The following ITPR2 variants were observed in gnomAD, a reference collection of about 807,000 sequenced individuals.
ITPR2 encodes inositol 1,4,5-trisphosphate receptor type 2.
ITPR2 carries 207 observed loss-of-function variants against 317.1 expected under a neutral mutation model. The observed-to-expected ratio is 0.65, with a 90% confidence interval of 0.58 to 0.73. ITPR2 has a LOEUF of 0.73. ITPR2 is among the 30% of genes least tolerant of loss of function. ITPR2 has a pLI of 0.00. For missense variants in ITPR2, 2,613 were observed against 3,284.0 expected (o/e 0.80, Z 4.99); for synonymous variants, 1,156 against 1,149.1 (o/e 1.01, Z -0.12).
chr12:26,825,725 G>A (rs1003271211), intron 1 of ITPR2, among the ~76,000 whole-genome samples: 3 of 152,144 alleles, frequency 2.0e-5, no homozygotes, highest in African/African-American at 7.2e-5. Flanking sequence ...TGACTTTTAG[G>A]TTTAAGAAAT....
At chr12:26,643,324 T>G (rs2136867607) in intron 21 of ITPR2, among the ~76,000 whole-genome samples, 1 of 152,306 alleles carries the variant, frequency 6.6e-6, no homozygotes. Context: ...TACGAAGAAG[T>G]GGGATGCTGC....
intron 36 of ITPR2, among the ~76,000 whole-genome samples, chr12:26,550,647 C>T (rs556130904): frequency 5.9e-4 from 90 of 151,870 alleles, no homozygotes; most frequent in Admixed American, 2.0e-3. Context: ...TATTCTCACC[C>T]CAATATATGA....
intron 21 of ITPR2, among the ~76,000 whole-genome samples, chr12:26,637,632 GTAT>G (rs989124421): frequency 1.9e-4 from 29 of 152,178 alleles, no homozygotes; most frequent in African/African-American, 7.0e-4. Context: ...TAATTGTAAG[GTAT>G]TATTTCAAAA....
intron 10 of ITPR2, among the ~76,000 whole-genome samples, chr12:26,692,385 A>T (rs1948257763): frequency 6.6e-6 from 1 of 152,200 alleles, no homozygotes; most frequent in Non-Finnish European, 1.5e-5. Context: ...CACAACAGAG[A>T]ATTATCTGGC....
intron 41 of ITPR2, among the ~76,000 whole-genome samples, chr12:26,485,011 G>A (rs116875518): frequency 0.07 from 10,541 of 149,518 alleles, 542 homozygotes; most frequent in Non-Finnish European, 0.098. Context: ...CACTGTGCCC[G>A]GCCGGAATAC....
intron 48 of ITPR2, among the ~76,000 whole-genome samples, chr12:26,432,801 C>A (rs1941246696): frequency 6.6e-6 from 1 of 152,138 alleles, no homozygotes; most frequent in Non-Finnish European, 1.5e-5. Context: ...CATATTTGAC[C>A]ATCTGGAGAC....
At chr12:26,729,566 A>G (rs111420466) in intron 2 of ITPR2, among the ~76,000 whole-genome samples, 1,994 of 152,270 alleles carry the variant, frequency 0.013, 45 homozygotes, top group African/African-American at 0.046. Flanking sequence ...ATGCCCATCA[A>G]TCATAGACTG....
chr12:26,678,615 T>G (rs1279446438), intron 13 of ITPR2, among the ~76,000 whole-genome samples: 1 of 152,230 alleles, frequency 6.6e-6, no homozygotes, highest in Non-Finnish European at 1.5e-5. Flanking sequence ...ACAGGCAGCT[T>G]TGAATGAATT....
chr12:26,421,020 AATG>A (rs1940875477), intron 49 of ITPR2, among the ~76,000 whole-genome samples: 1 of 152,332 alleles, frequency 6.6e-6, no homozygotes, highest in Non-Finnish European at 1.5e-5. Flanking sequence ...CAGAAAGACG[AATG>A]ATATGTTTAA....
chr12:26,419,223 G>T lies in ITPR2; in HGVS notation c.6946-10C>A. 1 of 1,612,122 alleles carries T rather than the reference G, an allele frequency of 6.2e-7. No homozygotes were observed. Among genetic ancestry groups the T allele is most frequent in the South Asian group, 1.1e-5 (1 of 90,892 alleles). On this transcript the variant is annotated splice_polypyrimidine_tract_variant and intron_variant, in intron 49 of 56. Transcript: ENST00000381340. Reference sequence around the variant, plus strand: ...CAATTTTATTACAAAGCTAAAGGGAGGAAAGGGTTACAGATTACTGTCTTA... The same window carrying T: ...CAATTTTATTACAAAGCTAAAGGGATGAAAGGGTTACAGATTACTGTCTTA...
chr12:26,392,424 T>A (rs534008880), intron 54 of ITPR2, among the ~76,000 whole-genome samples: 40 of 152,062 alleles, frequency 2.6e-4, no homozygotes, highest in Non-Finnish European at 2.8e-4. Flanking sequence ...TTCTTCAAGC[T>A]TCCCCACTTC....
At chr12:26,412,363 T>C (rs1037711430) in intron 51 of ITPR2, among the ~76,000 whole-genome samples, 1 of 151,996 alleles carries the variant, frequency 6.6e-6, no homozygotes, top group Non-Finnish European at 1.5e-5. Context: ...AGAGCTAGTG[T>C]CCTCCCCAGA....
At chr12:26,395,637 G>A (rs897096581) in intron 54 of ITPR2, among the ~76,000 whole-genome samples, 7 of 152,132 alleles carry the variant, frequency 4.6e-5, no homozygotes, top group East Asian at 1.9e-4. Flanking sequence ...GAAAGACCAC[G>A]AGATACACAG....
intron 5 of ITPR2, among the ~76,000 whole-genome samples, chr12:26,718,679 A>T (rs937294385): frequency 2.6e-5 from 4 of 151,796 alleles, no homozygotes; most frequent in Admixed American, 6.6e-5. Context: ...GCACAATCTC[A>T]ACTCACTGCA....
rs191004443 is a variant in ITPR2, at chr12:26,394,852, T to C, written c.7696+4024A>G. ...TTGTGAAGGTGGGTTCATTAGCGCA[T>C]GGTAGCTAGGGCACCTGGAAGAGAA... On this transcript the variant is annotated intron_variant, in intron 54 of 56. Coordinates refer to ENST00000381340, the MANE Select transcript of ITPR2 (RefSeq NM_002223.4). Among the ~76,000 whole-genome samples, 514 of 152,232 alleles carry C rather than the reference T, an allele frequency of 3.4e-3. 8 individuals carry two copies. The highest frequency in any genetic ancestry group is 0.012 in the African/African-American group (495 of 41,564).
At chr12:26,436,660 G>A (rs1592022269) in intron 47 of ITPR2, among the ~76,000 whole-genome samples, 1 of 152,204 alleles carries the variant, frequency 6.6e-6, no homozygotes, top group Admixed American at 6.5e-5. Context: ...TATCTGCAGA[G>A]CAGTTTAGCA....
chr12:26,732,026 C>CA (rs1329923197), intron 2 of ITPR2, among the ~76,000 whole-genome samples: 1 of 151,292 alleles, frequency 6.6e-6, no homozygotes, highest in Non-Finnish European at 1.5e-5. Context: ...TCTATCCCCC[C>CA]ACCTGCCTTG....
intron 32 of ITPR2, among the ~76,000 whole-genome samples, chr12:26,589,500 G>T (rs1004849592): frequency 6.6e-6 from 1 of 151,570 alleles, no homozygotes; most frequent in African/African-American, 2.4e-5. Flanking sequence ...AAAAAATATT[G>T]TTGTCAGGTC....
At chr12:26,758,039 G>A (rs754669242) in intron 2 of ITPR2, among the ~76,000 whole-genome samples, 11 of 152,192 alleles carry the variant, frequency 7.2e-5, no homozygotes, top group Non-Finnish European at 1.0e-4. Flanking sequence ...TGAAGTAACT[G>A]TCCAAATTAC....
Sources: gnomAD v4.1 joint callset for allele counts (sites outside exome capture counted in the v4.1 genomes callset) on GRCh38, gnomAD v4.1.1 for gene constraint, MANE v1.5 for transcripts, NCBI Gene and HGNC (gene_info 2026-07-23, HGNC 2026-07-21) for gene names.